HIVEP3: variants seen among roughly 807,000 people sequenced by gnomAD.
The protein encoded by HIVEP3 is HIVEP zinc finger 3, also known as transcription factor HIVEP3.
Under a neutral mutation model 152.8 loss-of-function variants are expected in HIVEP3, and 49 were observed. The ratio of observed to expected loss-of-function variants is 0.32; its 90% confidence interval spans 0.26 to 0.41. The LOEUF is 0.41. HIVEP3 is among the 10% of genes least tolerant of loss of function. The probability of loss-of-function intolerance (pLI) is 1.00; values close to 1 mark genes in which losing one functional copy is unlikely to be tolerated. For synonymous variants in HIVEP3, 1,269 were observed against 1,289.0 expected (o/e 0.98, Z 0.33); for missense variants, 2,790 against 3,103.3 (o/e 0.90, Z 2.40).
intron 1 of HIVEP3, among the ~76,000 whole-genome samples, chr1:42,015,777 G>A (rs907116068): frequency 4.6e-5 from 7 of 152,262 alleles, no homozygotes; most frequent in Non-Finnish European, 1.0e-4. Context: ...TAGCTGCCTA[G>A]GCAGGGGATG....
chr1:41,620,592 T>C (rs1645032903), intron 3 of HIVEP3, among the ~76,000 whole-genome samples: 1 of 152,152 alleles, frequency 6.6e-6, no homozygotes, highest in African/African-American at 2.4e-5. Context: ...GGTAGCAGCT[T>C]CCACAGCTGC....
In HIVEP3 at chr1:41,664,069, C is replaced by T. The variant is rs1218685627; in HGVS notation, c.-720-35122G>A. On this transcript the variant is annotated intron_variant, in intron 2 of 8. Coordinates refer to ENST00000372583, the MANE Select transcript of HIVEP3 (RefSeq NM_024503.5). The surrounding 1 kb of genome is among the most constrained non-coding windows in gnomAD (Gnocchi z 4.4). The stretch of plus-strand genomic sequence containing the variant: ...ACCAGTTTCCACTTCTTGAGGTCTT[C>T]ATACAGGCTTTCCCTTTGAAATGTC... Among the ~76,000 whole-genome samples the T allele has an allele frequency of 6.6e-6, 1 of 152,242 alleles. No individual in the cohort carries two copies. Among genetic ancestry groups the T allele is most frequent in the African/African-American group, 2.4e-5 (1 of 41,458 alleles).
At chr1:41,736,053 C>T (rs950249282) in intron 1 of HIVEP3, among the ~76,000 whole-genome samples, 1 of 152,182 alleles carries the variant, frequency 6.6e-6, no homozygotes, top group Non-Finnish European at 1.5e-5. Context: ...GCCACCTTTT[C>T]CATGCTCAAT....
At chr1:41,988,849 T>C (rs1468661477) in intron 1 of HIVEP3, among the ~76,000 whole-genome samples, 1 of 152,170 alleles carries the variant, frequency 6.6e-6, no homozygotes, top group Admixed American at 6.5e-5. Flanking sequence ...GATTAAAAGA[T>C]GTAATATATA....
At chr1:41,714,672 G>A (rs1646563319) in intron 1 of HIVEP3, among the ~76,000 whole-genome samples, 1 of 152,196 alleles carries the variant, frequency 6.6e-6, no homozygotes, top group Admixed American at 6.5e-5. Flanking sequence ...GGGGAGAGAT[G>A]AGTCTGAAGG....
At chr1:41,526,033 G>A (rs1049993471) in intron 5 of HIVEP3, among the ~76,000 whole-genome samples, 10 of 152,042 alleles carry the variant, frequency 6.6e-5, no homozygotes, top group African/African-American at 2.4e-4. Context: ...ACCTGCCCCT[G>A]CCTGGTTCCA....
chr1:41,731,742 A>G lies in HIVEP3; in HGVS notation c.-800-30747T>C, dbSNP rs532641397. Among the ~76,000 whole-genome samples, 65 of 152,272 alleles carry G rather than the reference A, an allele frequency of 4.3e-4. 1 individual carries two copies. The South Asian group carries it at 0.011, about 26-fold the overall frequency. Reference sequence around the variant, plus strand: ...CTGGAAAGGGAGTCTTCCAGCCCCAATCAGGCCTTCAGATGACTGCAGCCC... The same window carrying G: ...CTGGAAAGGGAGTCTTCCAGCCCCAGTCAGGCCTTCAGATGACTGCAGCCC... On this transcript the variant is annotated intron_variant, in intron 1 of 8. Transcript: ENST00000372583.
At chr1:41,787,878 G>A (rs986157828) in intron 1 of HIVEP3, among the ~76,000 whole-genome samples, 1 of 152,262 alleles carries the variant, frequency 6.6e-6, no homozygotes, top group East Asian at 1.9e-4. Context: ...GGTGAGGAAT[G>A]GGGGCAGAGA....
chr1:41,588,131 G>A (rs1229720424), intron 3 of HIVEP3, among the ~76,000 whole-genome samples: 1 of 152,186 alleles, frequency 6.6e-6, no homozygotes, highest in African/African-American at 2.4e-5. Flanking sequence ...AATCAGACAT[G>A]GTAGACATGG....
At chr1:41,850,914 C>G (rs1292002894) in intron 1 of HIVEP3, among the ~76,000 whole-genome samples, 2 of 152,168 alleles carry the variant, frequency 1.3e-5, no homozygotes, top group Non-Finnish European at 2.9e-5. Context: ...GTGCTGGTCC[C>G]TCTTCCTGGA....
intron 3 of HIVEP3, among the ~76,000 whole-genome samples, chr1:41,613,595 G>A (rs992314045): frequency 6.6e-6 from 1 of 152,222 alleles, no homozygotes; most frequent in Non-Finnish European, 1.5e-5. Flanking sequence ...AAAAAGGGGT[G>A]TATTAATTTG....
At chr1:41,709,328 GC>G (rs1646479194) in intron 1 of HIVEP3, among the ~76,000 whole-genome samples, 1 of 152,218 alleles carries the variant, frequency 6.6e-6, no homozygotes, top group Non-Finnish European at 1.5e-5. Flanking sequence ...AGCCAAGCGA[GC>G]TTTAAACCTG....
rs180897556 is a variant in HIVEP3 at position 41,911,641 on chromosome 1, C to G, written c.-801+6772G>C. Among the ~76,000 whole-genome samples the G allele has an allele frequency of 2.8e-3, 430 of 152,082 alleles. 2 individuals carry two copies. The highest frequency in any genetic ancestry group is 0.01 in the African/African-American group (417 of 41,462). ...ATAATAGCAAAATACTGGAAATAAG[C>G]TAAGTGTTCATTAATAATAGAATAG... On this transcript the variant is annotated intron_variant, in intron 1 of 8. Coordinates refer to ENST00000372583, the MANE Select transcript of HIVEP3 (RefSeq NM_024503.5).
intron 1 of HIVEP3, among the ~76,000 whole-genome samples, chr1:41,754,957 C>T (rs190313986): frequency 6.7e-4 from 102 of 152,236 alleles, no homozygotes; most frequent in African/African-American, 2.0e-3. Context: ...TACGTTATCA[C>T]AAGCCTTGAA....
At chr1:41,641,316 G>C (rs1206121578) in intron 2 of HIVEP3, among the ~76,000 whole-genome samples, 1 of 152,210 alleles carries the variant, frequency 6.6e-6, no homozygotes, top group Non-Finnish European at 1.5e-5. Flanking sequence ...AGGCAGAATT[G>C]CTTTCTGCCC....
chr1:41,951,338 T>C (rs148924078), intron 1 of HIVEP3, among the ~76,000 whole-genome samples: 1 of 152,304 alleles, frequency 6.6e-6, no homozygotes, highest in East Asian at 1.9e-4. Context: ...CCCATTTATA[T>C]AAAGATTAAA....
At position 41,748,124 on chromosome 1, in the gene HIVEP3, A is replaced by G. The variant is rs564822285; in HGVS notation, c.-800-47129T>C. On this transcript the variant is annotated intron_variant, in intron 1 of 8. Coordinates refer to ENST00000372583, the MANE Select transcript of HIVEP3 (RefSeq NM_024503.5). ...GTGTGGACTAAGCACCTAATAAATG[A>G]AAGGTGAGACTGGTCACAAATGCAA... Among the ~76,000 whole-genome samples the G allele has an allele frequency of 5.9e-5, 9 of 152,308 alleles. No homozygotes were observed. The East Asian group carries it at 1.7e-3, about 29-fold the overall frequency.
chr1:41,866,146 C>T (rs1351277143), intron 1 of HIVEP3, among the ~76,000 whole-genome samples: 1 of 152,232 alleles, frequency 6.6e-6, no homozygotes, highest in Non-Finnish European at 1.5e-5. Context: ...GCACCCTTTA[C>T]ACCAGCAGTG....
chr1:41,660,214 CTG>C (rs1399626936), intron 2 of HIVEP3, among the ~76,000 whole-genome samples: 6 of 152,172 alleles, frequency 3.9e-5, no homozygotes, highest in Non-Finnish European at 5.9e-5. Flanking sequence ...TGAGAGATGA[CTG>C]TGGTACCATT....
Sources: gnomAD v4.1 joint callset for allele counts (sites outside exome capture counted in the v4.1 genomes callset) on GRCh38, gnomAD v4.1.1 for gene constraint, Gnocchi (gnomAD v3.1) non-coding constraint, MANE v1.5 for transcripts, NCBI Gene and HGNC (gene_info 2026-07-23, HGNC 2026-07-21) for gene names.